Variants in ARHGAP6 observed in about 807,000 individuals in gnomAD.
ARHGAP6 encodes rho GTPase-activating protein 6.
In ARHGAP6, 16 loss-of-function variants were observed where a neutral mutation model predicts 55.7. The observed-to-expected ratio is 0.29, with a 90% CI of 0.19 to 0.44. The LOEUF is 0.44. ARHGAP6 is among the 20% of genes least tolerant of loss of function. The pLI is 1.00. For missense variants in ARHGAP6, 698 were observed against 808.9 expected (o/e 0.86, Z 1.66); for synonymous variants, 382 against 360.9 (o/e 1.06, Z -0.66).
intron 1 of ARHGAP6, among the ~76,000 whole-genome samples, chrX:11,605,597 G>T (rs1217098220): frequency 1.8e-5 from 2 of 111,437 alleles, no homozygotes; most frequent in Admixed American, 1.9e-4. Flanking sequence ...GCAGGCATTT[G>T]GGTGCCCGAC....
At chrX:11,635,269 A>G (rs1281926409) in intron 1 of ARHGAP6, among the ~76,000 whole-genome samples, 1 of 112,171 alleles carries the variant, frequency 8.9e-6, no homozygotes, top group Non-Finnish European at 1.9e-5. Context: ...ATCACTGTAT[A>G]GTATATAAAT....
chrX:11,319,545 C>A (rs565513916), intron 1 of ARHGAP6, among the ~76,000 whole-genome samples: 1 of 111,921 alleles, frequency 8.9e-6, no homozygotes, highest in Non-Finnish European at 1.9e-5. Flanking sequence ...TATCTCATTA[C>A]CAAACTCTAA....
At chrX:11,141,494 TG>T (rs1240439693) in intron 12 of ARHGAP6, among the ~76,000 whole-genome samples, 2 of 112,466 alleles carry the variant, frequency 1.8e-5, no homozygotes, top group Non-Finnish European at 3.8e-5. Context: ...AACAATTCAA[TG>T]GGGGGAAGTT....
At chrX:11,191,607 T>C (rs2046463549) in intron 3 of ARHGAP6, among the ~76,000 whole-genome samples, 1 of 111,982 alleles carries the variant, frequency 8.9e-6, no homozygotes, top group East Asian at 2.8e-4. Context: ...CCTCTCCTTT[T>C]GCCACAGTTA....
At chrX:11,597,213 A>G (rs1209412356) in intron 1 of ARHGAP6, among the ~76,000 whole-genome samples, 3 of 112,600 alleles carry the variant, frequency 2.7e-5, no homozygotes, top group African/African-American at 9.7e-5. Context: ...TTTCCAAAAT[A>G]GTGATTTTCT....
intron 1 of ARHGAP6, among the ~76,000 whole-genome samples, chrX:11,570,815 C>T (rs1204620103): frequency 9.0e-6 from 1 of 111,169 alleles, no homozygotes; most frequent in Non-Finnish European, 1.9e-5. Flanking sequence ...TATTTTTGTC[C>T]CCTCCAAAAT....
chrX:11,290,411 A>C (rs1771554181), intron 1 of ARHGAP6: 1 of 379,706 alleles, frequency 2.6e-6, no homozygotes, highest in Non-Finnish European at 5.2e-6. Context: ...GGTGGGGTCA[A>C]AGTTACGATG....
At chrX:11,314,187 G>C (rs771374336) in intron 1 of ARHGAP6, among the ~76,000 whole-genome samples, 12 of 112,183 alleles carry the variant, frequency 1.1e-4, no homozygotes, top group Non-Finnish European at 1.9e-4. Context: ...TATGTTTTTA[G>C]ATATATAGGT....
intron 9 of ARHGAP6, among the ~76,000 whole-genome samples, chrX:11,165,911 C>A (rs1270400018): frequency 8.9e-6 from 1 of 111,945 alleles, no homozygotes; most frequent in Non-Finnish European, 1.9e-5. Context: ...AACTCTGCTG[C>A]ACACTCAAGT....
intron 2 of ARHGAP6, among the ~76,000 whole-genome samples, chrX:11,234,802 C>T (rs2047177507): frequency 1.8e-5 from 2 of 112,651 alleles, no homozygotes; most frequent in South Asian, 7.4e-4. Context: ...ACTAATATAT[C>T]CTTCAATGGG....
intron 1 of ARHGAP6, among the ~76,000 whole-genome samples, chrX:11,358,755 T>C (rs2048970783): frequency 9.0e-6 from 1 of 111,718 alleles, no homozygotes; most frequent in Non-Finnish European, 1.9e-5. Context: ...GTGCTGGGAT[T>C]ACAGGCGTGA....
chrX:11,568,525 G>A (rs888320951), intron 1 of ARHGAP6, among the ~76,000 whole-genome samples: 3 of 111,774 alleles, frequency 2.7e-5, no homozygotes, highest in Non-Finnish European at 3.8e-5. Flanking sequence ...TAATCCCAGC[G>A]GTGGGCAGAT....
chrX:11,216,448 G>A (rs2046884186), intron 2 of ARHGAP6, among the ~76,000 whole-genome samples: 1 of 111,574 alleles, frequency 9.0e-6, no homozygotes, highest in Non-Finnish European at 1.9e-5. Flanking sequence ...GAGGTCAGGA[G>A]TTTGAGACCA....
chrX:11,597,913 C>T (rs991850956), intron 1 of ARHGAP6, among the ~76,000 whole-genome samples: 1 of 111,988 alleles, frequency 8.9e-6, no homozygotes, highest in East Asian at 2.8e-4. Flanking sequence ...GCGGAGCCAT[C>T]AAAACATTTT....
intron 1 of ARHGAP6, among the ~76,000 whole-genome samples, chrX:11,550,056 A>G (rs763335233): frequency 1.8e-4 from 20 of 112,224 alleles, no homozygotes; most frequent in Admixed American, 1.3e-3. Context: ...AGTAAAAAAC[A>G]TTGGCCTTCT....
intron 1 of ARHGAP6, among the ~76,000 whole-genome samples, chrX:11,546,257 G>A (rs940174890): frequency 1.8e-5 from 2 of 110,886 alleles, no homozygotes; most frequent in Non-Finnish European, 3.8e-5. Flanking sequence ...ATAAATGACT[G>A]CTAGGTGTTA....
intron 1 of ARHGAP6, among the ~76,000 whole-genome samples, chrX:11,513,208 A>G (rs2050801472): frequency 9.0e-6 from 1 of 111,453 alleles, no homozygotes; most frequent in Non-Finnish European, 1.9e-5. Context: ...AGAATATTCT[A>G]CCATTACTGA....
intron 1 of ARHGAP6, among the ~76,000 whole-genome samples, chrX:11,563,750 A>T (rs1239090567): frequency 9.0e-6 from 1 of 111,466 alleles, no homozygotes; most frequent in African/African-American, 3.3e-5. Context: ...AAGTGAAGTT[A>T]AACTTCACTT....
intron 1 of ARHGAP6, among the ~76,000 whole-genome samples, chrX:11,511,998 T>C (rs2050789713): frequency 9.0e-6 from 1 of 110,782 alleles, no homozygotes; most frequent in Non-Finnish European, 1.9e-5. Context: ...GGCTAATTTT[T>C]TGTATTTTTA....
Sources: allele counts gnomAD v4.1 joint callset (sites outside exome capture counted in the v4.1 genomes callset), GRCh38; gene constraint gnomAD v4.1.1; transcripts MANE v1.5; gene names NCBI Gene and HGNC (gene_info 2026-07-23, HGNC 2026-07-21).